Variants in BTBD2 observed in about 807,000 individuals in gnomAD.
The protein encoded by BTBD2 is BTB domain containing 2.
A neutral mutation model predicts 44.0 loss-of-function variants in BTBD2; 15 were observed. The observed-to-expected ratio is 0.34, with a 90% confidence interval of 0.23 to 0.53. The LOEUF is 0.53. Ranked by LOEUF, BTBD2 falls within the 20% of genes least tolerant of loss-of-function variation. The pLI is 0.95. For synonymous variants in BTBD2, 443 were observed against 335.9 expected (o/e 1.32, Z -3.49); for missense variants, 657 against 746.4 (o/e 0.88, Z 1.39).
intron 1 of BTBD2, among the ~76,000 whole-genome samples, chr19:2,007,105 CT>C (rs1387364773): frequency 6.6e-6 from 1 of 152,154 alleles, no homozygotes; most frequent in Admixed American, 6.6e-5. Flanking sequence ...ATCCACCTGC[CT>C]CGGCCTCCCA....
chr19:1,990,940 GC>G, intron 3 of BTBD2, 118 bp from the exon 4 acceptor site: 1 of 905,506 alleles, frequency 1.1e-6, no homozygotes, highest in Non-Finnish European at 1.7e-6. Flanking sequence ...CCTGAGCGTG[GC>G]CAGGAGCCAC....
intron 1 of BTBD2, among the ~76,000 whole-genome samples, chr19:1,998,935 C>A (rs2016288484): frequency 6.6e-6 from 1 of 152,134 alleles, no homozygotes. Flanking sequence ...TCCAAGTCTC[C>A]CACCACAGCA....
chr19:2,013,392 G>A (rs2016492448), intron 1 of BTBD2, among the ~76,000 whole-genome samples: 2 of 152,182 alleles, frequency 1.3e-5, no homozygotes, highest in Non-Finnish European at 1.5e-5. Flanking sequence ...CAGAAAGGAG[G>A]GCTGGGGGCT....
At chr19:2,005,869 A>C (rs369636699) in intron 1 of BTBD2, among the ~76,000 whole-genome samples, 1 of 151,944 alleles carries the variant, frequency 6.6e-6, no homozygotes, top group Non-Finnish European at 1.5e-5. Flanking sequence ...TGGGAGGATC[A>C]CCTGAACCCA....
At chr19:1,996,823 G>A (rs1168253464) in intron 2 of BTBD2, among the ~76,000 whole-genome samples, 32 of 152,002 alleles carry the variant, frequency 2.1e-4, no homozygotes, top group Admixed American at 2.0e-3. Flanking sequence ...AATGAGCTGA[G>A]ATCACACCAC....
In BTBD2 at chr19:1,987,208, A is replaced by G. The variant is rs143084634; in HGVS notation, c.1227T>C (p.Tyr409=). 6.1e-4 allele frequency: 988 copies of G among 1,613,806 alleles called. 8 individuals are homozygous for G. The African/African-American group carries it at 0.012, about 19-fold the overall frequency. Residue 409 remains tyrosine (Y), a synonymous_variant, in exon 7 of 9, where the codon TAT becomes TAC. Coordinates refer to ENST00000255608, the MANE Select transcript of BTBD2 (RefSeq NM_017797.4). The part of the protein sequence containing the change: ...KRIFVVGFGL[Y]GSIHGPTDYQ... Reference sequence around the variant, plus strand: ...AGTCGGTGGGCCCGTGGATGGATCCATACAGCCCAAATCCCACCACGAAGA... The same window carrying G: ...AGTCGGTGGGCCCGTGGATGGATCCGTACAGCCCAAATCCCACCACGAAGA...
chr19:1,999,279 GAGGCCCGGCGGAAAC>G (rs2016293905), intron 1 of BTBD2, among the ~76,000 whole-genome samples: 1 of 152,202 alleles, frequency 6.6e-6, no homozygotes, highest in African/African-American at 2.4e-5. Context: ...CTCGGAATGC[GAGGCCCGGCGGAAAC>G]AGGCCGGTGC....
At position 1,985,717 on chromosome 19, in the gene BTBD2, G is replaced by C. The variant is rs1055955776; in HGVS notation, c.*771C>G. On this transcript the variant is annotated 3_prime_UTR_variant, in exon 9 of 9. Coordinates refer to ENST00000255608, the MANE Select transcript of BTBD2 (RefSeq NM_017797.4). ...GGGGCCGGCTGGGGCCCCATTCTGC[G>C]GCAGGGGAGCTCTGGGGCACAGGGT... The C allele has an allele frequency of 1.3e-5, 2 of 152,486 alleles. No homozygotes were observed. Among genetic ancestry groups the C allele is most frequent in the Non-Finnish European group, 2.9e-5 (2 of 68,268 alleles). 9.4% of individuals were successfully genotyped at this position (152,486 alleles called of 1,614,324 possible).
chr19:2,011,405 C>T (rs933977351), intron 1 of BTBD2, among the ~76,000 whole-genome samples: 7 of 152,290 alleles, frequency 4.6e-5, no homozygotes, highest in African/African-American at 1.4e-4. Flanking sequence ...CAATGCGGAT[C>T]TGGTCACACT....
chr19:1,998,720 G>T (rs2016284767), intron 1 of BTBD2, among the ~76,000 whole-genome samples: 1 of 152,088 alleles, frequency 6.6e-6, no homozygotes, highest in Admixed American at 6.6e-5. Flanking sequence ...CAGTCCCCAG[G>T]GCCTGCCCAC....
intron 1 of BTBD2, among the ~76,000 whole-genome samples, chr19:1,999,820 G>C (rs955655505): frequency 2.0e-5 from 3 of 151,910 alleles, no homozygotes; most frequent in Non-Finnish European, 4.4e-5. Context: ...AAATTAGCTG[G>C]GCGTGGTGGT....
In BTBD2 at chr19:2,015,531, G is replaced by A. The variant is rs1285085577; in HGVS notation, c.173C>T (p.Thr58Met). 5.2e-6 allele frequency: 5 copies of A among 954,690 alleles called. No homozygotes were observed. The highest frequency in any genetic ancestry group is 4.9e-6 in the Non-Finnish European group (4 of 819,960). 59.1% of individuals were successfully genotyped at this position (954,690 alleles called of 1,614,324 possible). A position where few individuals can be genotyped will look rare whatever the true frequency, so the allele number is the denominator to read the frequency against. Reference sequence around the variant, plus strand: ...CCCGGGGCCCGGCGGGGCGGGCGGCGTCGGCCCAGGGGCGGCGGCGGCGGC... The same window carrying A: ...CCCGGGGCCCGGCGGGGCGGGCGGCATCGGCCCAGGGGCGGCGGCGGCGGC... The part of the protein sequence containing the change: ...AAAAAAAPGP[T>M]PPAPPGPGTD... Residue 58 changes from threonine (T) to methionine (M), a missense_variant, in exon 1 of 9, where the codon ACG (threonine) becomes ATG (methionine). Physicochemically the swap from Thr to Met is moderately conservative, Grantham distance 81. Coordinates refer to ENST00000255608, the MANE Select transcript of BTBD2 (RefSeq NM_017797.4).
intron 1 of BTBD2, among the ~76,000 whole-genome samples, chr19:1,998,745 G>A (rs1035232279): frequency 6.6e-6 from 1 of 152,152 alleles, no homozygotes; most frequent in Admixed American, 6.5e-5. Context: ...TGGCCTCCCA[G>A]GGGGCTGAGA....
chr19:1,992,630 G>A (rs1308184695), intron 3 of BTBD2, among the ~76,000 whole-genome samples: 1 of 151,984 alleles, frequency 6.6e-6, no homozygotes, highest in East Asian at 1.9e-4. Context: ...GGAGTGCAGT[G>A]GTGCGATCTC....
chr19:2,001,104 T>C (rs2016324326), intron 1 of BTBD2, among the ~76,000 whole-genome samples: 1 of 151,806 alleles, frequency 6.6e-6, no homozygotes, highest in Non-Finnish European at 1.5e-5. Flanking sequence ...GCCAACATGG[T>C]GAAACCCTGT....
chr19:1,990,838 G>T lies in BTBD2; in HGVS notation c.685-16C>A. 6.5e-7 allele frequency: 1 copy of T among 1,544,432 alleles called. No individual in the cohort carries two copies. The highest frequency in any genetic ancestry group is 1.2e-5 in the South Asian group (1 of 84,180). The stretch of plus-strand genomic sequence containing the variant: ...AGAGTCGCGCCTGGCAAGAGACATC[G>T]ACGGGGGGCGCGGTGGGGACATCAG... On this transcript the variant is annotated splice_polypyrimidine_tract_variant and intron_variant, in intron 3 of 8. Transcript: ENST00000255608.
intron 3 of BTBD2, 167 bp from the exon 4 acceptor site, chr19:1,990,989 CAG>C (rs1318845727): frequency 6.5e-5 from 40 of 610,896 alleles, no homozygotes; most frequent in Middle Eastern, 4.4e-4. Flanking sequence ...GTTGTGGGCC[CAG>C]AGACTCCCCT....
intron 1 of BTBD2, among the ~76,000 whole-genome samples, chr19:2,008,300 ACT>A (rs1381860385): frequency 2.0e-5 from 2 of 99,110 alleles, no homozygotes; most frequent in Non-Finnish European, 3.8e-5. Context: ...CACTGCGCCC[ACT>A]CTTTTTTTTT....
rs774566994 is a variant in BTBD2, at chr19:1,993,194, GTGGCCGTGA to G, written c.528-27_528-19del. 6.3e-7 allele frequency: 1 copy of G among 1,585,714 alleles called. No individual in the cohort carries two copies. Among genetic ancestry groups the G allele is most frequent in the Non-Finnish European group, 8.5e-7 (1 of 1,172,802 alleles). Reference sequence around the variant, plus strand: ...AGAGAAACCTGCAGAAGCAACGCGGGTGGCCGTGAGGTGGGACCGCCATGCCCGCCCCCA... The same window carrying G: ...AGAGAAACCTGCAGAAGCAACGCGGGGGTGGGACCGCCATGCCCGCCCCCA... On this transcript the variant is annotated intron_variant, in intron 2 of 8. Transcript: ENST00000255608.
Sources: allele counts gnomAD v4.1 joint callset (sites outside exome capture counted in the v4.1 genomes callset), GRCh38; gene constraint gnomAD v4.1.1; transcripts MANE v1.5; gene names NCBI Gene and HGNC (gene_info 2026-07-23, HGNC 2026-07-21).